The following ENAH variants were observed in gnomAD, a reference collection of about 807,000 sequenced individuals.
ENAH encodes the protein ENAH actin regulator, also known as protein enabled homolog.
ENAH carries 23 observed loss-of-function variants against 78.7 expected under a neutral mutation model. The ratio of observed to expected loss-of-function variants is 0.29; its 90% CI spans 0.21 to 0.41. ENAH has a LOEUF of 0.41. Ranked by LOEUF, ENAH falls within the 10% of genes least tolerant of loss-of-function variation. The pLI is 1.00. For synonymous variants in ENAH, 226 were observed against 241.0 expected (o/e 0.94, Z 0.58); for missense variants, 544 against 691.0 (o/e 0.79, Z 2.39).
intron 1 of ENAH, among the ~76,000 whole-genome samples, chr1:225,572,541 G>C (rs1372214450): frequency 2.6e-5 from 4 of 152,136 alleles, no homozygotes; most frequent in African/African-American, 7.2e-5. Context: ...GTTTCTCCCT[G>C]GTCCAGTGAA....
At chr1:225,585,971 T>C (rs1484605495) in intron 1 of ENAH, among the ~76,000 whole-genome samples, 1 of 152,070 alleles carries the variant, frequency 6.6e-6, no homozygotes, top group Non-Finnish European at 1.5e-5. Context: ...CTCAGCATTT[T>C]GGGAGGCCAA....
chr1:225,487,355 C>T lies in ENAH; in HGVS notation c.*10420G>A, dbSNP rs188411426. 1.1e-4 allele frequency: 16 copies of T among 152,326 alleles called. No individual in the cohort carries two copies. Among genetic ancestry groups the T allele is most frequent in the African/African-American group, 1.4e-4 (6 of 41,560 alleles). The allele number at this position is 152,326 out of a possible 1,614,324, so 9.4% of individuals were successfully genotyped here. On this transcript the variant is annotated 3_prime_UTR_variant, in exon 14 of 14. Coordinates refer to ENST00000366843, the MANE Select transcript of ENAH (RefSeq NM_018212.6). ...GTTTCATGTCTCACCTTCTCTTCCACGTTCCCTTCTTAAACGTAGATGTCA... is the reference window on the plus strand; with the variant it reads ...GTTTCATGTCTCACCTTCTCTTCCATGTTCCCTTCTTAAACGTAGATGTCA...
Position 225,574,919 on chromosome 1 carries a change from A to AAAAAAAAT in ENAH, c.6-7506_6-7505insATTTTTTT, listed in dbSNP as rs1177451807. 1.3e-3 allele frequency among the ~76,000 whole-genome samples: 4 copies of AAAAAAAAT among 2,992 alleles called. 1 individual carries two copies. The highest frequency in any genetic ancestry group is 0.056 in the East Asian group (2 of 36). The allele number at this position is 2,992 out of a possible 152,430, so 2.0% of individuals were successfully genotyped here. A position where few individuals can be genotyped will look rare whatever the true frequency, so the allele number is the denominator to read the frequency against. ...CCGTCTCAAAAAAAAAAAAAAAAAAAATATATATATATAAAAAAAAAAAAA... is the reference window on the plus strand; with the variant it reads ...CCGTCTCAAAAAAAAAAAAAAAAAAAAAAAAAATATATATATATATAAAAAAAAAAAAA... On this transcript the variant is annotated intron_variant, in intron 1 of 13. Transcript: ENST00000366843.
intron 3 of ENAH, among the ~76,000 whole-genome samples, chr1:225,539,921 T>G (rs576876932): frequency 1.4e-4 from 22 of 152,328 alleles, no homozygotes; most frequent in African/African-American, 5.3e-4. Flanking sequence ...TAATTAGTTC[T>G]TCTTTCACTT....
At chr1:225,557,003 C>T (rs938039599) in intron 2 of ENAH, among the ~76,000 whole-genome samples, 4 of 152,276 alleles carry the variant, frequency 2.6e-5, no homozygotes, top group African/African-American at 7.2e-5. Flanking sequence ...ATCAATATGC[C>T]TTTTTGCCAA....
At position 225,488,504 on chromosome 1, in the gene ENAH, AG is replaced by A. The variant is rs2096209108; in HGVS notation, c.*9270del. 1 of 152,144 alleles carries A rather than the reference AG, an allele frequency of 6.6e-6. No homozygotes were observed. The highest frequency in any genetic ancestry group is 2.1e-4 in the South Asian group (1 of 4,828). The allele number at this position is 152,144 out of a possible 1,614,324, so 9.4% of individuals were successfully genotyped here. A position where few individuals can be genotyped will look rare whatever the true frequency, so the allele number is the denominator to read the frequency against. ...GCTCCTATAAATACAGACTCCAGAG[AG>A]GTTTCCTCAAAAATTAAAAAAAAAA... On this transcript the variant is annotated 3_prime_UTR_variant, in exon 14 of 14. Transcript: ENST00000366843.
chr1:225,617,180 C>T (rs544070585), intron 1 of ENAH, among the ~76,000 whole-genome samples: 4 of 151,930 alleles, frequency 2.6e-5, no homozygotes, highest in African/African-American at 7.3e-5. Flanking sequence ...TTATCAGACA[C>T]GAAAAAGAAA....
chr1:225,522,354 C>A (rs555287881), intron 4 of ENAH, among the ~76,000 whole-genome samples: 1 of 152,186 alleles, frequency 6.6e-6, no homozygotes, highest in African/African-American at 2.4e-5. Flanking sequence ...CACACCCTCT[C>A]CTGGACATAC....
chr1:225,637,061 C>T (rs201360336), intron 1 of ENAH, among the ~76,000 whole-genome samples: 51 of 152,272 alleles, frequency 3.3e-4, no homozygotes, highest in Non-Finnish European at 6.8e-4. Context: ...AATAAACGAC[C>T]ATTCTGAAGT....
In ENAH at chr1:225,489,153, T is replaced by C. The variant is rs2096211680; in HGVS notation, c.*8622A>G. The C allele has an allele frequency of 6.6e-6, 1 of 152,152 alleles. No individual in the cohort carries two copies. Among genetic ancestry groups the C allele is most frequent in the Admixed American group, 6.5e-5 (1 of 15,268 alleles). 9.4% of individuals were successfully genotyped at this position (152,152 alleles called of 1,614,324 possible). ...TCGAGCTCTGGAAAGTCTGTTTACT[T>C]AGAAACAGCTCTTGAACTACAAGAG... On this transcript the variant is annotated 3_prime_UTR_variant, in exon 14 of 14. Transcript: ENST00000366843.
chr1:225,553,481 T>C (rs1044360792), intron 3 of ENAH, among the ~76,000 whole-genome samples: 2 of 152,156 alleles, frequency 1.3e-5, no homozygotes, highest in African/African-American at 4.8e-5. Context: ...AATGCTAGTT[T>C]GTTCTAAAAC....
rs2096231756 is a variant in ENAH at position 225,493,246 on chromosome 1, G to T, written c.*4529C>A. On this transcript the variant is annotated 3_prime_UTR_variant, in exon 14 of 14. Coordinates refer to ENST00000366843, the MANE Select transcript of ENAH (RefSeq NM_018212.6). Reference sequence around the variant, plus strand: ...TGGGAACAGAAAAACCTGCATCACAGACCTCCAACAGTTCTTGGCTTCTAT... The same window carrying T: ...TGGGAACAGAAAAACCTGCATCACATACCTCCAACAGTTCTTGGCTTCTAT... 6.6e-6 allele frequency: 1 copy of T among 152,074 alleles called. No homozygotes were observed. The highest frequency in any genetic ancestry group is 1.5e-5 in the Non-Finnish European group (1 of 68,018). The allele number at this position is 152,074 out of a possible 1,614,324, so 9.4% of individuals were successfully genotyped here. A position where few individuals can be genotyped will look rare whatever the true frequency, so the allele number is the denominator to read the frequency against.
intron 2 of ENAH, among the ~76,000 whole-genome samples, chr1:225,565,558 G>A (rs1319733642): frequency 6.6e-6 from 1 of 151,990 alleles, no homozygotes; most frequent in African/African-American, 2.4e-5. Context: ...TACCAAAAAC[G>A]TAGTTTCTTT....
At chr1:225,567,942 T>A (rs2096742801) in intron 1 of ENAH, among the ~76,000 whole-genome samples, 1 of 152,182 alleles carries the variant, frequency 6.6e-6, no homozygotes, top group Admixed American at 6.5e-5. Flanking sequence ...CTAAGTCTGA[T>A]AATCAACCAT....
rs2096241997 is a variant in ENAH, at chr1:225,494,879, CA to C, written c.*2895del. The stretch of plus-strand genomic sequence containing the variant: ...TAGCGTGTAGGAAACTTAAATGAAA[CA>C]AATTTAAACGAAATAGTTACGGTAA... On this transcript the variant is annotated 3_prime_UTR_variant, in exon 14 of 14. Transcript: ENST00000366843. 6.6e-6 allele frequency: 1 copy of C among 152,498 alleles called. No individual in the cohort carries two copies. The highest frequency in any genetic ancestry group is 6.5e-5 in the Admixed American group (1 of 15,276). The allele number at this position is 152,498 out of a possible 1,614,324, so 9.4% of individuals were successfully genotyped here. A position where few individuals can be genotyped will look rare whatever the true frequency, so the allele number is the denominator to read the frequency against.
At chr1:225,594,060 T>C (rs2096890835) in intron 1 of ENAH, among the ~76,000 whole-genome samples, 1 of 152,210 alleles carries the variant, frequency 6.6e-6, no homozygotes, top group Admixed American at 6.5e-5. Flanking sequence ...GAAACGAGTG[T>C]GCCTGCCATA....
intron 1 of ENAH, among the ~76,000 whole-genome samples, chr1:225,619,775 T>C (rs776882286): frequency 4.6e-5 from 7 of 152,178 alleles, no homozygotes; most frequent in Non-Finnish European, 5.9e-5. Flanking sequence ...GCAGTCTCAG[T>C]GTCTTCCCAA....
At chr1:225,646,358 A>C (rs1385792350) in intron 1 of ENAH, among the ~76,000 whole-genome samples, 3 of 152,098 alleles carry the variant, frequency 2.0e-5, no homozygotes, top group Non-Finnish European at 2.9e-5. Flanking sequence ...AATGAGGAGG[A>C]GAGAGAAATC....
intron 1 of ENAH, among the ~76,000 whole-genome samples, chr1:225,614,057 A>G (rs1299626135): frequency 6.6e-6 from 1 of 151,700 alleles, no homozygotes; most frequent in Non-Finnish European, 1.5e-5. Flanking sequence ...CATTTATTAG[A>G]AAGATTTTTT....
Sources: gnomAD v4.1 joint callset for allele counts (sites outside exome capture counted in the v4.1 genomes callset) on GRCh38, gnomAD v4.1.1 for gene constraint, MANE v1.5 for transcripts, NCBI Gene and HGNC (gene_info 2026-07-23, HGNC 2026-07-21) for gene names.